Variants in MTA3 observed in about 807,000 individuals in gnomAD.
MTA3 encodes the protein metastasis associated 1 family member 3.
MTA3 carries 34 observed loss-of-function variants against 83.5 expected under a neutral mutation model. The ratio of observed to expected loss-of-function variants is 0.41; its 90% CI spans 0.31 to 0.54. The LOEUF is 0.54. Among genes scored for constraint, MTA3 ranks in the 20% least tolerant of loss-of-function variants. The pLI is 0.33. For missense variants in MTA3, 761 were observed against 726.4 expected (o/e 1.05, Z -0.55); for synonymous variants, 303 against 252.7 (o/e 1.20, Z -1.89).
chr2:42,523,526 T>C (rs2103698914), intron 2 of MTA3, among the ~76,000 whole-genome samples: 1 of 152,302 alleles, frequency 6.6e-6, no homozygotes, highest in South Asian at 2.1e-4. Context: ...AGAGCAGAGC[T>C]GCCTGCCGAC....
intron 16 of MTA3, among the ~76,000 whole-genome samples, chr2:42,744,095 T>C (rs1057308777): frequency 1.3e-5 from 2 of 152,210 alleles, no homozygotes; most frequent in Admixed American, 6.5e-5. Context: ...TAAAGGACTA[T>C]TATGCCCCCA....
At chr2:42,659,703 T>G in intron 7 of MTA3, 60 bp from the exon 8 acceptor site, 1 of 1,321,000 alleles carries the variant, frequency 7.6e-7, no homozygotes, top group Non-Finnish European at 9.9e-7. Context: ...TTTAAAACGT[T>G]AAAAAAACAA....
chr2:42,703,885 G>A (rs1163802714), intron 11 of MTA3: 6 of 217,888 alleles, frequency 2.8e-5, no homozygotes, highest in South Asian at 2.4e-4. Context: ...GCGAGACTCC[G>A]TCTCCAAAAA....
chr2:42,622,071 T>G (rs1356650842), intron 4 of MTA3, among the ~76,000 whole-genome samples: 3 of 151,864 alleles, frequency 2.0e-5, no homozygotes, highest in Admixed American at 6.6e-5. Context: ...AGGTGGAGGT[T>G]GTAGCGAGCC....
At chr2:42,649,535 A>T (rs1452602859) in intron 6 of MTA3, among the ~76,000 whole-genome samples, 1 of 152,214 alleles carries the variant, frequency 6.6e-6, no homozygotes, top group African/African-American at 2.4e-5. Flanking sequence ...GTTGGCAAAT[A>T]GGAAAATGTT....
intron 2 of MTA3, among the ~76,000 whole-genome samples, chr2:42,519,431 C>T (rs1675309828): frequency 6.6e-6 from 1 of 151,840 alleles, no homozygotes; most frequent in African/African-American, 2.4e-5. Context: ...CATGGTGAAA[C>T]CCCCTCTCTA....
Position 42,753,376 on chromosome 2 carries a change from C to G in MTA3, c.1762C>G (p.Leu588Val), listed in dbSNP as rs1203153813. ...NYSHHNGLDE[L>V]TCCVSD is the part of the protein sequence containing the mutation. ...ACACTGTTACTTCCCTTTTCTAGAACTCACGTGCTGTGTGTCAGACTGAGC... is the reference window on the plus strand; with the variant it reads ...ACACTGTTACTTCCCTTTTCTAGAAGTCACGTGCTGTGTGTCAGACTGAGC... Residue 588 changes from leucine (L) to valine (V), a missense_variant and splice_region_variant, in exon 17 of 17, where the codon CTC becomes GTC. Coordinates refer to ENST00000405094, the MANE Select transcript of MTA3 (RefSeq NM_001330442.2). The G allele has an allele frequency of 6.4e-7, 1 of 1,550,482 alleles. No individual in the cohort carries two copies. The highest frequency in any genetic ancestry group is 1.4e-5 in the African/African-American group (1 of 73,036).
chr2:42,642,653 T>C (rs113096129), intron 5 of MTA3, among the ~76,000 whole-genome samples: 2 of 151,450 alleles, frequency 1.3e-5, no homozygotes, highest in South Asian at 2.1e-4. Flanking sequence ...GGTTTTTTTT[T>C]TTTTTTTTGA....
chr2:42,662,981 G>C (rs1402205035), intron 8 of MTA3, among the ~76,000 whole-genome samples: 1 of 68,762 alleles, frequency 1.5e-5, no homozygotes, highest in Non-Finnish European at 2.9e-5. Context: ...TGCCCACTTC[G>C]GCCTCCCAGA....
At chr2:42,507,343 A>AT (rs1277921855) in intron 2 of MTA3, among the ~76,000 whole-genome samples, 12 of 151,586 alleles carry the variant, frequency 7.9e-5, no homozygotes, top group Non-Finnish European at 1.8e-4. Flanking sequence ...AGCTAATGTC[A>AT]TTTTTTTATA....
At chr2:42,513,813 G>A (rs1343767858) in intron 2 of MTA3, among the ~76,000 whole-genome samples, 6 of 152,170 alleles carry the variant, frequency 3.9e-5, no homozygotes, top group African/African-American at 1.4e-4. Context: ...GGGGCAAACG[G>A]GCTTACACCT....
chr2:42,754,078 G>A lies in MTA3; in HGVS notation c.*679G>A. ...AGATAAGCCTGTAAACTCATCATCT[G>A]TGTTTTGTGGTTGGAGAGAAACTGG... On this transcript the variant is annotated 3_prime_UTR_variant, in exon 17 of 17. Coordinates refer to ENST00000405094, the MANE Select transcript of MTA3 (RefSeq NM_001330442.2). The A allele has an allele frequency of 3.0e-6, 3 of 985,464 alleles. No homozygotes were observed. In the African/African-American group the frequency reaches 5.2e-5, roughly 17 times the overall value. 61.0% of individuals were successfully genotyped at this position (985,464 alleles called of 1,614,324 possible).
chr2:42,585,717 A>C (rs956095031), intron 3 of MTA3, among the ~76,000 whole-genome samples: 6 of 150,254 alleles, frequency 4.0e-5, no homozygotes, highest in African/African-American at 1.5e-4. Flanking sequence ...CAAGTGATCC[A>C]CCTGCCTTGG....
chr2:42,553,784 T>G (rs1677239126), intron 2 of MTA3, among the ~76,000 whole-genome samples: 1 of 148,610 alleles, frequency 6.7e-6, no homozygotes, highest in South Asian at 2.1e-4. Flanking sequence ...TCATGCATAC[T>G]TGAGACTTCT....
chr2:42,650,219 G>T (rs2104339058), intron 6 of MTA3, among the ~76,000 whole-genome samples: 1 of 152,308 alleles, frequency 6.6e-6, no homozygotes, highest in South Asian at 2.1e-4. Flanking sequence ...ACAATATGTA[G>T]ACATTTTAGT....
intron 8 of MTA3, among the ~76,000 whole-genome samples, chr2:42,677,586 C>T (rs1038159563): frequency 3.9e-5 from 6 of 152,150 alleles, no homozygotes; most frequent in African/African-American, 7.2e-5. Context: ...TCAGGCAGTC[C>T]GCCTGCCTCA....
At chr2:42,556,693 A>T (rs1306048346) in intron 2 of MTA3, among the ~76,000 whole-genome samples, 3 of 152,140 alleles carry the variant, frequency 2.0e-5, no homozygotes, top group Non-Finnish European at 4.4e-5. Flanking sequence ...TCCTGGAGGG[A>T]GTCAGTATGA....
Position 42,707,603 on chromosome 2 carries a change from A to G in MTA3, c.1151-300A>G, listed in dbSNP as rs1464289096. Among the ~76,000 whole-genome samples the G allele has an allele frequency of 2.6e-5, 4 of 152,294 alleles. No homozygotes were observed. In the East Asian group the frequency reaches 7.7e-4, roughly 29 times the overall value. On this transcript the variant is annotated intron_variant, in intron 12 of 16. Coordinates refer to ENST00000405094, the MANE Select transcript of MTA3 (RefSeq NM_001330442.2). The stretch of plus-strand genomic sequence containing the variant: ...GAACCTATTTCCAGAAACATACACA[A>G]TAGAGTATTTTTAATCAACAAAACA...
Position 42,668,850 on chromosome 2 carries a change from A to G in MTA3, c.702+8988A>G, listed in dbSNP as rs150594783. On this transcript the variant is annotated intron_variant, in intron 8 of 16. Transcript: ENST00000405094. ...TAATCTTCCTCTTAAAACAAGCTAT[A>G]ATTTTTTCAAAAAAAAATTTCCCAT... Among the ~76,000 whole-genome samples the G allele has an allele frequency of 1.1e-3, 173 of 152,278 alleles. 1 individual carries two copies. Among genetic ancestry groups the G allele is most frequent in the African/African-American group, 3.9e-3 (163 of 41,558 alleles).
Sources: allele counts gnomAD v4.1 joint callset (sites outside exome capture counted in the v4.1 genomes callset), GRCh38; gene constraint gnomAD v4.1.1; transcripts MANE v1.5; gene names NCBI Gene and HGNC (gene_info 2026-07-23, HGNC 2026-07-21).